Variants in SYN2 observed in about 807,000 individuals in gnomAD.
SYN2 encodes the protein synapsin-2.
Under a neutral mutation model 50.9 loss-of-function variants are expected in SYN2, and 19 were observed. The observed-to-expected ratio is 0.37, with a 90% CI of 0.26 to 0.55. The LOEUF (loss-of-function observed/expected upper bound fraction) is 0.55. Among genes scored for constraint, SYN2 ranks in the 20% least tolerant of loss-of-function variants. The pLI, the probability that SYN2 is intolerant of heterozygous loss-of-function variation, is 0.81. For synonymous variants in SYN2, 255 were observed against 224.9 expected, an observed-to-expected ratio of 1.13 and a Z score of -1.20; for missense variants, 587 against 576.4, an observed-to-expected ratio of 1.02 and a Z score of -0.19.
At chr3:12,115,682 C>T (rs1696418410) in intron 1 of SYN2, among the ~76,000 whole-genome samples, 1 of 152,098 alleles carries the variant, frequency 6.6e-6, no homozygotes, top group South Asian at 2.1e-4. Context: ...GGGGTTCTGG[C>T]TGATGGTCTT....
intron 1 of SYN2, among the ~76,000 whole-genome samples, chr3:12,046,061 A>G (rs923657653): frequency 6.6e-6 from 1 of 152,188 alleles, no homozygotes; most frequent in Admixed American, 6.5e-5. Flanking sequence ...TAATGATTAT[A>G]CTTTCTACTA....
intron 10 of SYN2, among the ~76,000 whole-genome samples, chr3:12,181,357 C>G (rs1698216425): frequency 6.6e-6 from 1 of 152,222 alleles, no homozygotes. Context: ...GGGACTTTTT[C>G]TGTCCTTCAC....
At chr3:12,085,116 AAAAAAAAAT>A (rs1695664914) in intron 1 of SYN2, among the ~76,000 whole-genome samples, 1 of 152,018 alleles carries the variant, frequency 6.6e-6, no homozygotes, top group African/African-American at 2.4e-5. Flanking sequence ...GGTAAAAAAA[AAAAAAAAAT>A]ATGTTGCCTA....
chr3:12,043,484 G>A (rs1192737369), intron 1 of SYN2, among the ~76,000 whole-genome samples: 1 of 152,132 alleles, frequency 6.6e-6, no homozygotes, highest in Non-Finnish European at 1.5e-5. Flanking sequence ...ACTTTAATGT[G>A]TTATTTTATC....
chr3:12,127,367 G>A (rs1696692933), intron 1 of SYN2, among the ~76,000 whole-genome samples: 2 of 152,200 alleles, frequency 1.3e-5, no homozygotes, highest in Non-Finnish European at 2.9e-5. Context: ...ATTGTATTGA[G>A]AAGACATCAG....
chr3:12,115,242 G>A (rs1304770161), intron 1 of SYN2, among the ~76,000 whole-genome samples: 1 of 152,066 alleles, frequency 6.6e-6, no homozygotes, highest in Non-Finnish European at 1.5e-5. Context: ...ACCTTATTCC[G>A]GTTTATCATT....
At chr3:12,026,645 A>G (rs570429596) in intron 1 of SYN2, among the ~76,000 whole-genome samples, 1 of 152,256 alleles carries the variant, frequency 6.6e-6, no homozygotes, top group African/African-American at 2.4e-5. Context: ...CTCTTTAGGA[A>G]ACATTGTGTT....
intron 12 of SYN2, among the ~76,000 whole-genome samples, chr3:12,189,001 C>A (rs1381283401): frequency 3.3e-5 from 5 of 152,202 alleles, no homozygotes; most frequent in Non-Finnish European, 5.9e-5. Context: ...AGGAGTGCCC[C>A]CACTCCCAGA....
chr3:12,065,124 A>G (rs1695187488), intron 1 of SYN2, among the ~76,000 whole-genome samples: 1 of 152,156 alleles, frequency 6.6e-6, no homozygotes, highest in Non-Finnish European at 1.5e-5. Flanking sequence ...CAATCATCAA[A>G]TAAATGCAAA....
At chr3:12,108,492 A>G (rs1696246146) in intron 1 of SYN2, among the ~76,000 whole-genome samples, 1 of 152,220 alleles carries the variant, frequency 6.6e-6, no homozygotes, top group South Asian at 2.1e-4. Flanking sequence ...GACATTGACT[A>G]GGTTTCAGTT....
intron 1 of SYN2, among the ~76,000 whole-genome samples, chr3:12,076,255 A>G (rs976253990): frequency 6.6e-6 from 1 of 152,122 alleles, no homozygotes; most frequent in Non-Finnish European, 1.5e-5. Context: ...AAGTGCAGTC[A>G]TATTACCACA....
chr3:12,054,513 A>C (rs751439510), intron 1 of SYN2, among the ~76,000 whole-genome samples: 2 of 152,120 alleles, frequency 1.3e-5, no homozygotes, highest in Non-Finnish European at 2.9e-5. Flanking sequence ...GGGGAGGAGC[A>C]AAAGATTTGT....
intron 1 of SYN2, among the ~76,000 whole-genome samples, chr3:12,099,504 AAAAC>A (rs1363571054): frequency 2.6e-5 from 4 of 152,222 alleles, no homozygotes; most frequent in Non-Finnish European, 5.9e-5. Flanking sequence ...GAAATTAATG[AAAAC>A]AAACATACCA....
chr3:12,172,509 T>C (rs1405255346), intron 10 of SYN2, among the ~76,000 whole-genome samples: 4 of 152,264 alleles, frequency 2.6e-5, no homozygotes, highest in Middle Eastern at 3.4e-3. Flanking sequence ...TAGAGCAGAA[T>C]TTGGGAGGGT....
intron 1 of SYN2, among the ~76,000 whole-genome samples, chr3:12,032,019 C>T (rs1377558303): frequency 9.7e-5 from 14 of 143,998 alleles, no homozygotes; most frequent in East Asian, 2.1e-4. Flanking sequence ...CGGCTGGTAC[C>T]GGTTGTTCCT....
intron 1 of SYN2, among the ~76,000 whole-genome samples, chr3:12,009,423 C>T (rs1693871508): frequency 2.0e-5 from 3 of 151,958 alleles, no homozygotes; most frequent in African/African-American, 7.3e-5. Flanking sequence ...CTTACTATCT[C>T]AAGGACTGGT....
intron 1 of SYN2, among the ~76,000 whole-genome samples, chr3:12,068,693 T>C (rs1423549491): frequency 1.3e-5 from 2 of 152,022 alleles, no homozygotes; most frequent in African/African-American, 4.8e-5. Context: ...AGTTTTTTTT[T>C]CTGTATTTTT....
intron 1 of SYN2, among the ~76,000 whole-genome samples, chr3:12,124,528 A>G (rs1273160874): frequency 2.0e-5 from 3 of 152,236 alleles, no homozygotes; most frequent in African/African-American, 4.8e-5. Flanking sequence ...ACTCAGCATT[A>G]CTTGCAATAA....
Position 12,105,660 on chromosome 3 carries a change from A to G in SYN2, c.378-34991A>G, listed in dbSNP as rs1213407073. ...AAAGACCCTTAGCTGCAGAATTCAT[A>G]TGGTGTCACTTGAAGATTTTTCTCT... On this transcript the variant is annotated intron_variant, in intron 1 of 12. Transcript: ENST00000621198. 2.6e-5 allele frequency among the ~76,000 whole-genome samples: 4 copies of G among 151,928 alleles called. No homozygotes were observed. In the East Asian group the frequency reaches 5.9e-4, roughly 22 times the overall value.
Sources: gnomAD v4.1 joint callset for allele counts (sites outside exome capture counted in the v4.1 genomes callset) on GRCh38, gnomAD v4.1.1 for gene constraint, MANE v1.5 for transcripts, NCBI Gene and HGNC (gene_info 2026-07-23, HGNC 2026-07-21) for gene names.